The following PRIM2 variants were observed in gnomAD, a reference collection of about 807,000 sequenced individuals.
The protein encoded by PRIM2 is DNA primase subunit 2.
In PRIM2, 39 loss-of-function variants were observed where a neutral mutation model predicts 67.3. That is an observed-to-expected ratio of 0.58 (90% CI 0.45 to 0.76). PRIM2 has a LOEUF of 0.76. PRIM2 is among the 30% of genes least tolerant of loss of function. PRIM2 has a pLI of 0.00. For missense variants in PRIM2, 398 were observed against 598.7 expected (o/e 0.66, Z 3.50); for synonymous variants, 143 against 198.7 (o/e 0.72, Z 2.36).
At chr6:57,461,921 C>G (rs7775059) in intron 7 of PRIM2, among the ~76,000 whole-genome samples, 2 of 152,210 alleles carry the variant, frequency 1.3e-5, no homozygotes, top group Admixed American at 6.5e-5. Flanking sequence ...TGGGACCAGA[C>G]TATGTGGAGT....
chr6:57,604,879 A>G (rs1218727406), intron 11 of PRIM2, among the ~76,000 whole-genome samples: 4 of 151,962 alleles, frequency 2.6e-5, no homozygotes, highest in African/African-American at 9.7e-5. Context: ...TTTAGTAGAG[A>G]CAGGGTTTCA....
rs981528173 is a variant in PRIM2 at position 57,332,276 on chromosome 6, T to C, written c.459+6231T>C. On this transcript the variant is annotated intron_variant, in intron 5 of 13. Coordinates refer to ENST00000615550, the MANE Select transcript of PRIM2 (RefSeq NM_000947.5). ...TTTTAAAATTTATTGAATTTTATTT[T>C]ATGACCTAGCATATGGTCTGTTCTG... is the stretch of plus-strand genomic sequence containing the variant. Among the ~76,000 whole-genome samples, 14 of 152,304 alleles carry C rather than the reference T, an allele frequency of 9.2e-5. No individual in the cohort carries two copies. In the East Asian group the frequency reaches 2.7e-3, roughly 29 times the overall value.
At chr6:57,530,900 G>T (rs1774875148) in intron 8 of PRIM2, among the ~76,000 whole-genome samples, 1 of 151,968 alleles carries the variant, frequency 6.6e-6, no homozygotes, top group Non-Finnish European at 1.5e-5. Context: ...ACAAGGTTTT[G>T]TCATGTTGCT....
At chr6:57,366,016 A>T (rs1300779030) in intron 5 of PRIM2, among the ~76,000 whole-genome samples, 1 of 149,646 alleles carries the variant, frequency 6.7e-6, no homozygotes, top group Non-Finnish European at 1.5e-5. Flanking sequence ...ACCTGTGCTT[A>T]GGTTCATATG....
chr6:57,571,194 A>C (rs1775856872), intron 10 of PRIM2, among the ~76,000 whole-genome samples: 1 of 152,176 alleles, frequency 6.6e-6, no homozygotes, highest in South Asian at 2.1e-4. Flanking sequence ...TTACAATTTT[A>C]TTGCATTATT....
At chr6:57,602,791 C>T (rs1776493468) in intron 11 of PRIM2, among the ~76,000 whole-genome samples, 1 of 152,158 alleles carries the variant, frequency 6.6e-6, no homozygotes, top group African/African-American at 2.4e-5. Flanking sequence ...ACTTAGCACT[C>T]AATGAACTCA....
At chr6:57,302,597 C>T in the PRIM2 span, among the ~76,000 whole-genome samples, 1 of 152,112 alleles carries the variant, frequency 6.6e-6, no homozygotes, top group Non-Finnish European at 1.5e-5. Flanking sequence ...TATTTTTCTG[C>T]CTTAATATTT....
upstream of PRIM2, among the ~76,000 whole-genome samples, chr6:57,313,823 C>T (rs1175008054): frequency 6.6e-6 from 1 of 152,160 alleles, no homozygotes; most frequent in African/African-American, 2.4e-5. Context: ...GGCGACACAC[C>T]CCGCTCAGAA....
chr6:57,317,170 G>GA (rs1248990726), upstream of PRIM2, among the ~76,000 whole-genome samples: 2 of 151,726 alleles, frequency 1.3e-5, no homozygotes, highest in East Asian at 1.9e-4. Flanking sequence ...TAAACGAGCG[G>GA]AAAAAAAAGA....
chr6:57,605,803 C>T (rs1453490970), intron 11 of PRIM2, among the ~76,000 whole-genome samples: 9 of 151,908 alleles, frequency 5.9e-5, no homozygotes, highest in South Asian at 2.1e-4. Context: ...ACATATCCAC[C>T]GTAAGTTGTT....
chr6:57,434,783 CT>C (rs1203429996), intron 7 of PRIM2, among the ~76,000 whole-genome samples: 1 of 151,268 alleles, frequency 6.6e-6, no homozygotes, highest in Non-Finnish European at 1.5e-5. Context: ...TTTTACTTTT[CT>C]TTTCTTTTTT....
Position 57,512,294 on chromosome 6 carries a change from A to T in PRIM2, c.761+4840A>T, listed in dbSNP as rs1554347786. ...GCATCTGTGAGCTTCATGGTTGAAG[A>T]AAGTGTTTTATTTTTTCCTTAAGAT... On this transcript the variant is annotated intron_variant, in intron 8 of 13. Coordinates refer to ENST00000615550, the MANE Select transcript of PRIM2 (RefSeq NM_000947.5). Among the ~76,000 whole-genome samples, 6 of 152,328 alleles carry T rather than the reference A, an allele frequency of 3.9e-5. No homozygotes were observed. The East Asian group carries it at 1.2e-3, about 29-fold the overall frequency.
At chr6:57,608,902 C>T (rs1265325137) in intron 12 of PRIM2, among the ~76,000 whole-genome samples, 7 of 152,092 alleles carry the variant, frequency 4.6e-5, no homozygotes, top group African/African-American at 1.7e-4. Context: ...TCTAACCAAG[C>T]AGAATTAAGT....
At chr6:57,565,394 G>A (rs1280521086) in intron 10 of PRIM2, among the ~76,000 whole-genome samples, 2 of 148,190 alleles carry the variant, frequency 1.3e-5, no homozygotes, top group Admixed American at 6.8e-5. Flanking sequence ...TGATTATGAA[G>A]CCTGAGAAGT....
At chr6:57,442,709 G>A (rs1772238144) in intron 7 of PRIM2, among the ~76,000 whole-genome samples, 1 of 151,994 alleles carries the variant, frequency 6.6e-6, no homozygotes, top group Non-Finnish European at 1.5e-5. Context: ...ATTATACAAA[G>A]TTATGGGTCA....
intron 12 of PRIM2, among the ~76,000 whole-genome samples, chr6:57,618,273 A>G (rs1321415179): frequency 1.3e-5 from 2 of 152,204 alleles, no homozygotes; most frequent in Admixed American, 1.3e-4. Context: ...TTCTGCAAAA[A>G]CAGCCATTAG....
intron 10 of PRIM2, among the ~76,000 whole-genome samples, chr6:57,599,398 A>T (rs1275899548): frequency 4.0e-5 from 6 of 151,730 alleles, no homozygotes; most frequent in African/African-American, 1.5e-4. Flanking sequence ...AAATCTTTTT[A>T]GGACATAACT....
At chr6:57,617,518 G>A (rs1163530686) in intron 12 of PRIM2, among the ~76,000 whole-genome samples, 4 of 152,148 alleles carry the variant, frequency 2.6e-5, no homozygotes, top group Non-Finnish European at 4.4e-5. Flanking sequence ...ATGACGTTGA[G>A]CATCTTTTTA....
At chr6:57,379,249 A>C (rs1366632517) in intron 5 of PRIM2, among the ~76,000 whole-genome samples, 4 of 124,710 alleles carry the variant, frequency 3.2e-5, no homozygotes, top group African/African-American at 1.2e-4. Flanking sequence ...CATACTGCCA[A>C]CTAGGGGCTT....
Sources: allele counts gnomAD v4.1 joint callset (sites outside exome capture counted in the v4.1 genomes callset), GRCh38; gene constraint gnomAD v4.1.1; transcripts MANE v1.5; gene names NCBI Gene and HGNC (gene_info 2026-07-23, HGNC 2026-07-21).